HERPUD1: variants seen among roughly 807,000 people sequenced by gnomAD.
HERPUD1 encodes the protein homocysteine-responsive endoplasmic reticulum-resident ubiquitin-like domain member 1 protein.
HERPUD1 carries 17 observed loss-of-function variants against 45.0 expected under a neutral mutation model. That is an observed-to-expected ratio of 0.38 (90% confidence interval 0.26 to 0.57). The LOEUF is 0.57. Among genes scored for constraint, HERPUD1 ranks in the 20% least tolerant of loss-of-function variants. The pLI is 0.72. For missense variants in HERPUD1, 420 were observed against 490.5 expected (o/e 0.86, Z 1.36); for synonymous variants, 164 against 177.5 (o/e 0.92, Z 0.61).
intron 3 of HERPUD1, chr16:56,935,885 A>G (rs1215467777): frequency 1.2e-5 from 2 of 160,984 alleles, no homozygotes; most frequent in Non-Finnish European, 2.7e-5. Context: ...GATTAGTTGG[A>G]TAGGAAAAGA....
chr16:56,942,645 A>G (rs1221654939), intron 7 of HERPUD1, among the ~76,000 whole-genome samples: 1 of 152,144 alleles, frequency 6.6e-6, no homozygotes, highest in Non-Finnish European at 1.5e-5. Flanking sequence ...ACCTGAGGTC[A>G]GGAGTTTAAG....
rs1358806382 is a variant in HERPUD1 at position 56,936,816 on chromosome 16, A to G, written c.430A>G (p.Arg144Gly). Residue 144 changes from arginine to glycine, a missense_variant and splice_region_variant, in exon 4 of 8, where the codon AGG (arginine) becomes GGG (glycine). Transcript: ENST00000439977. ...LSSPGWENIS[R>G]PEAAQQAFQG... ...TTCCCCTGGATGGGAAAACATCTCA[A>G]GGTGAGTGTTATAATAAAGATCTTG... 1.2e-6 allele frequency: 2 copies of G among 1,613,700 alleles called. No homozygotes were observed. Among genetic ancestry groups the G allele is most frequent in the Non-Finnish European group, 1.7e-6 (2 of 1,179,696 alleles).
In HERPUD1 at chr16:56,932,176, C is replaced by T. The variant is rs867941621; in HGVS notation, c.-69C>T. On this transcript the variant is annotated 5_prime_UTR_variant, in exon 1 of 8. Transcript: ENST00000439977. ...ACGTGAACTGTCGTTGCAGAGATTG[C>T]GGGCGGCTGAGACGCCGCCTGCCTG... 16 of 1,569,826 alleles carry T rather than the reference C, an allele frequency of 1.0e-5. No homozygotes were observed. The highest frequency in any genetic ancestry group is 1.7e-4 in the Middle Eastern group (1 of 6,042).
At chr16:56,939,865 C>G (rs371828878) in intron 5 of HERPUD1, 30 bp from the exon 6 acceptor site, 1 of 1,560,056 alleles carries the variant, frequency 6.4e-7, no homozygotes. Context: ...TTGGTCTCAA[C>G]AGTATCTGCC....
chr16:56,942,988 G>A, intron 7 of HERPUD1, 138 bp from the exon 8 acceptor site: 1 of 792,980 alleles, frequency 1.3e-6, no homozygotes, highest in Non-Finnish European at 2.1e-6. Flanking sequence ...CATTCCCTGG[G>A]GTCCTGGCTG....
At chr16:56,935,813 G>A (rs1292036006) in intron 3 of HERPUD1, 1 of 220,682 alleles carries the variant, frequency 4.5e-6, no homozygotes, top group Non-Finnish European at 9.1e-6. Context: ...TTCTTCAAAG[G>A]AGTCACTAAT....
At chr16:56,938,156 G>C (rs2055880208) in intron 4 of HERPUD1, among the ~76,000 whole-genome samples, 1 of 152,148 alleles carries the variant, frequency 6.6e-6, no homozygotes, top group Non-Finnish European at 1.5e-5. Flanking sequence ...TTCTATTATG[G>C]TTTCAATTTT....
At chr16:56,936,866 G>A (rs774317221) in intron 4 of HERPUD1, 49 bp downstream of exon 4, 43 of 1,592,500 alleles carry the variant, frequency 2.7e-5, no homozygotes, top group Non-Finnish European at 3.0e-5. Context: ...AATGTTCCTC[G>A]TTTGCATCAA....
Position 56,932,253 on chromosome 16 carries a change from C to G in HERPUD1, c.9C>G (p.Ser3=), listed in dbSNP as rs1438747960. 2 of 1,608,072 alleles carry G rather than the reference C, an allele frequency of 1.2e-6. No homozygotes were observed. Among genetic ancestry groups the G allele is most frequent in the South Asian group, 2.2e-5 (2 of 90,972 alleles). ...ACACCGCCGCCGCCGCCATGGAGTC[C>G]GAGACCGAACCCGAGCCCGTCACGC... ME[S]ETEPEPVTLL... is the part of the protein sequence containing the mutation. The change falls in exon 1 of 8, where the codon TCC becomes TCG. Residue 3 remains serine, a synonymous_variant. Coordinates refer to ENST00000439977, the MANE Select transcript of HERPUD1 (RefSeq NM_014685.4).
chr16:56,940,331 T>G (rs1248669745), intron 6 of HERPUD1, 86 bp downstream of exon 6: 10 of 923,120 alleles, frequency 1.1e-5, no homozygotes, highest in Non-Finnish European at 1.7e-5. Context: ...TTGTTTTTTT[T>G]GAGATGGAGT....
chr16:56,938,339 G>C (rs148144662), intron 4 of HERPUD1, among the ~76,000 whole-genome samples: 5 of 152,192 alleles, frequency 3.3e-5, no homozygotes, highest in Admixed American at 6.5e-5. Context: ...CAAGGTGGGC[G>C]GATCACGAGG....
At chr16:56,939,012 CTGT>C in intron 4 of HERPUD1, 3 of 572,954 alleles carry the variant, frequency 5.2e-6, no homozygotes, top group East Asian at 5.7e-5. Flanking sequence ...GTGGCAAGGG[CTGT>C]TGTTTTCCTG....
At chr16:56,933,137 A>G (rs1479408114) in intron 1 of HERPUD1, 1 of 395,022 alleles carries the variant, frequency 2.5e-6, no homozygotes. Flanking sequence ...CCCTTCCTGT[A>G]TTTACTTTCT....
In HERPUD1 at chr16:56,933,379, A is replaced by G. The variant is rs374648327; in HGVS notation, c.147+988A>G. On this transcript the variant is annotated intron_variant, in intron 1 of 7. Coordinates refer to ENST00000439977, the MANE Select transcript of HERPUD1 (RefSeq NM_014685.4). ...TATTTATTTAGTAAGCTTGCATTCC[A>G]TGTCCTCTAGAATTCACCCTGGCAC... 16 of 455,528 alleles carry G rather than the reference A, an allele frequency of 3.5e-5. 1 individual carries two copies. Among genetic ancestry groups the G allele is most frequent in the Middle Eastern group, 3.2e-4 (1 of 3,090 alleles). 28.2% of individuals were successfully genotyped at this position (455,528 alleles called of 1,614,324 possible). A position where few individuals can be genotyped will look rare whatever the true frequency, so the allele number is the denominator to read the frequency against.
At chr16:56,937,741 A>T in intron 4 of HERPUD1, among the ~76,000 whole-genome samples, 1 of 150,066 alleles carries the variant, frequency 6.7e-6, no homozygotes. Context: ...TGCCATTATC[A>T]GATCTAACAG....
chr16:56,939,888 AT>A lies in HERPUD1; in HGVS notation c.555-3del. 1 of 1,594,018 alleles carries A rather than the reference AT, an allele frequency of 6.3e-7. No homozygotes were observed. On this transcript the variant is annotated splice_region_variant and splice_polypyrimidine_tract_variant and intron_variant, in intron 5 of 7. Coordinates refer to ENST00000439977, the MANE Select transcript of HERPUD1 (RefSeq NM_014685.4). ...AACAGTATCTGCCTCTGTCGTTTTT[AT>A]TTTAGTTTAGCAGCCACTGCTGCAT... is the stretch of plus-strand genomic sequence containing the variant.
chr16:56,939,146 G>A lies in HERPUD1; in HGVS notation c.432-91G>A, dbSNP rs565995076. 253 of 1,421,134 alleles carry A rather than the reference G, an allele frequency of 1.8e-4. 2 individuals are homozygous for A. In the African/African-American group the frequency reaches 2.0e-3, roughly 11 times the overall value. The allele number at this position is 1,421,134 out of a possible 1,614,324, so 88.0% of individuals were successfully genotyped here. A position where few individuals can be genotyped will look rare whatever the true frequency, so the allele number is the denominator to read the frequency against. On this transcript the variant is annotated intron_variant, in intron 4 of 7. Transcript: ENST00000439977. ...GTAAATTCCATTCTTCTGTCTCTTCGATTTGAATTCTTGATTTTAATTTAA... is the reference window on the plus strand; with the variant it reads ...GTAAATTCCATTCTTCTGTCTCTTCAATTTGAATTCTTGATTTTAATTTAA...
intron 1 of HERPUD1, among the ~76,000 whole-genome samples, chr16:56,932,892 C>T (rs572133969): frequency 1.3e-5 from 2 of 152,316 alleles, no homozygotes; most frequent in East Asian, 1.9e-4. Context: ...CCGTGCCCCT[C>T]CCTGTCGCAC....
intron 4 of HERPUD1, among the ~76,000 whole-genome samples, chr16:56,938,380 G>A (rs571672937): frequency 2.1e-4 from 32 of 152,232 alleles, no homozygotes; most frequent in Admixed American, 1.2e-3. Context: ...TGGCTAACAC[G>A]GTGAAACCCC....
Sources: allele counts gnomAD v4.1 joint callset (sites outside exome capture counted in the v4.1 genomes callset), GRCh38; gene constraint gnomAD v4.1.1; transcripts MANE v1.5; gene names NCBI Gene and HGNC (gene_info 2026-07-23, HGNC 2026-07-21).